The following VIRMA variants were observed in gnomAD, a reference collection of about 807,000 sequenced individuals.
VIRMA encodes vir like m6A methyltransferase associated, also known as protein virilizer homolog.
Under a neutral mutation model 182.4 loss-of-function variants are expected in VIRMA, and 65 were observed. The ratio of observed to expected loss-of-function variants is 0.36; its 90% CI spans 0.29 to 0.44. The LOEUF (loss-of-function observed/expected upper bound fraction) is 0.44, where lower values mean the gene tolerates loss of function less well. Ranked by LOEUF, VIRMA falls within the 20% of genes least tolerant of loss-of-function variation. The probability of loss-of-function intolerance (pLI) is 1.00; values close to 1 mark genes in which losing one functional copy is unlikely to be tolerated. For synonymous variants in VIRMA, 709 were observed against 743.1 expected, an observed-to-expected ratio of 0.95 and a Z score of 0.75; for missense variants, 1,752 against 2,158.1, an observed-to-expected ratio of 0.81 and a Z score of 3.73.
chr8:94,538,774 G>C (rs1277636900), intron 2 of VIRMA, among the ~76,000 whole-genome samples: 1 of 152,070 alleles, frequency 6.6e-6, no homozygotes, highest in East Asian at 1.9e-4. Flanking sequence ...ACCATGCCCA[G>C]CTGATTTTTT....
At chr8:94,505,311 C>A (rs1032665500) in intron 16 of VIRMA, among the ~76,000 whole-genome samples, 2 of 152,146 alleles carry the variant, frequency 1.3e-5, no homozygotes, top group Admixed American at 6.5e-5. Context: ...TATGTTTCCT[C>A]CTCCTTACTA....
chr8:94,488,933 C>A, intron 23 of VIRMA, 73 bp from the exon 24 acceptor site: 1 of 1,496,058 alleles, frequency 6.7e-7, no homozygotes, highest in Non-Finnish European at 9.1e-7. Context: ...TAATCTACGA[C>A]ACTGAGCTCA....
intron 20 of VIRMA, 59 bp from the exon 21 acceptor site, chr8:94,492,877 G>A: frequency 7.5e-7 from 1 of 1,327,656 alleles, no homozygotes; most frequent in Non-Finnish European, 1.0e-6. Flanking sequence ...CATAACATTT[G>A]ACTACAGAAA....
rs550105232 is a variant in VIRMA at position 94,553,298 on chromosome 8, A to G, written c.63+87T>C. ...GCGAGAAATTAAAGAAGCAATCTGC[A>G]GAAGGAAAAGTGGAGAACGCCTAAC... On this transcript the variant is annotated intron_variant, in intron 1 of 23. Coordinates refer to ENST00000297591, the MANE Select transcript of VIRMA (RefSeq NM_015496.5). The G allele has an allele frequency of 1.7e-5, 22 of 1,310,416 alleles. No homozygotes were observed. The South Asian group carries it at 2.5e-4, about 15-fold the overall frequency. The allele number at this position is 1,310,416 out of a possible 1,614,324, so 81.2% of individuals were successfully genotyped here.
At chr8:94,532,358 C>T (rs1815200427) in intron 5 of VIRMA, among the ~76,000 whole-genome samples, 2 of 152,194 alleles carry the variant, frequency 1.3e-5, no homozygotes, top group Non-Finnish European at 2.9e-5. Context: ...CTGCCCGCCT[C>T]GGCCTCCCAA....
rs569926843 is a variant in VIRMA at position 94,547,034 on chromosome 8, T to C, written c.64-3092A>G. ...CCCAACTCCTTTTACAAGTAAACTT[T>C]CTCTTGAAAGCTGAGCCAGATCAAA... On this transcript the variant is annotated intron_variant, in intron 1 of 23. Coordinates refer to ENST00000297591, the MANE Select transcript of VIRMA (RefSeq NM_015496.5). 8.8e-5 allele frequency: 40 copies of C among 455,208 alleles called. 2 individuals carry two copies. The highest frequency in any genetic ancestry group is 7.8e-4 in the African/African-American group (38 of 48,884). 28.2% of individuals were successfully genotyped at this position (455,208 alleles called of 1,614,324 possible). A position where few individuals can be genotyped will look rare whatever the true frequency, so the allele number is the denominator to read the frequency against.
intron 11 of VIRMA, 136 bp downstream of exon 11, chr8:94,514,733 T>C: frequency 1.8e-6 from 1 of 540,726 alleles, no homozygotes; most frequent in Non-Finnish European, 3.3e-6. Flanking sequence ...TACCAACCTG[T>C]ACCTACAAAG....
Position 94,502,777 on chromosome 8 carries a change from T to A in VIRMA, c.4098-3271A>T, listed in dbSNP as rs528904943. Among the ~76,000 whole-genome samples the A allele has an allele frequency of 1.4e-3, 220 of 152,096 alleles. 1 individual carries two copies. Among genetic ancestry groups the A allele is most frequent in the African/African-American group, 2.0e-3 (84 of 41,508 alleles). ...TAGCAATAGGAAGTACTTAAAAAATTTTTTTTTAAGTCAGAGCTATGTAAC... is the reference window on the plus strand; with the variant it reads ...TAGCAATAGGAAGTACTTAAAAAATATTTTTTTAAGTCAGAGCTATGTAAC... On this transcript the variant is annotated intron_variant, in intron 16 of 23. Coordinates refer to ENST00000297591, the MANE Select transcript of VIRMA (RefSeq NM_015496.5).
chr8:94,529,704 A>G (rs1033137791), intron 6 of VIRMA, among the ~76,000 whole-genome samples: 8 of 152,006 alleles, frequency 5.3e-5, no homozygotes, highest in Non-Finnish European at 1.0e-4. Flanking sequence ...CAGTGGCATG[A>G]TCTCGGCTCA....
rs759960103 is a variant in VIRMA at position 94,519,038 on chromosome 8, T to C, written c.2460A>G (p.Lys820=). 2 of 1,613,688 alleles carry C rather than the reference T, an allele frequency of 1.2e-6. No individual in the cohort carries two copies. Among genetic ancestry groups the C allele is most frequent in the Non-Finnish European group, 1.7e-6 (2 of 1,179,776 alleles). Residue 820 remains lysine, a synonymous_variant, in exon 9 of 24, where the codon AAA becomes AAG. Transcript: ENST00000297591. ...SAVGHVFSLE[K]NLQSLITLME... Reference sequence around the variant, plus strand: ...TTAGAGTAATAAGACTTTGGAGATTTTTCTCCAGACTAAAAACATGGCCAA... The same window carrying C: ...TTAGAGTAATAAGACTTTGGAGATTCTTCTCCAGACTAAAAACATGGCCAA...
intron 8 of VIRMA, among the ~76,000 whole-genome samples, chr8:94,521,927 C>G: frequency 6.6e-6 from 1 of 152,184 alleles, no homozygotes; most frequent in East Asian, 1.9e-4. Context: ...CCTTAGAGGT[C>G]TGCTTGCAAG....
chr8:94,508,564 C>T (rs1445551694), intron 15 of VIRMA, among the ~76,000 whole-genome samples: 1 of 151,964 alleles, frequency 6.6e-6, no homozygotes, highest in Non-Finnish European at 1.5e-5. Flanking sequence ...AGCTAGGATG[C>T]CACAGCGCTA....
chr8:94,540,633 TGTATTTTTA>T (rs1815516400), intron 2 of VIRMA, among the ~76,000 whole-genome samples: 1 of 152,024 alleles, frequency 6.6e-6, no homozygotes, highest in African/African-American at 2.4e-5. Context: ...AGCTGATTTT[TGTATTTTTA>T]GTAGAGGCGG....
chr8:94,497,727 T>G (rs1251601872), intron 17 of VIRMA: 2 of 151,940 alleles, frequency 1.3e-5, no homozygotes, highest in Non-Finnish European at 2.9e-5. Flanking sequence ...AAGAGACGAG[T>G]TGGCCAGGCA....
At chr8:94,551,178 T>C (rs906801098) in intron 1 of VIRMA, among the ~76,000 whole-genome samples, 1 of 152,226 alleles carries the variant, frequency 6.6e-6, no homozygotes, top group Non-Finnish European at 1.5e-5. Context: ...TGTGAAATAT[T>C]GCCCCTTTCA....
chr8:94,519,744 C>A (rs1190619405), intron 8 of VIRMA, among the ~76,000 whole-genome samples: 1 of 152,104 alleles, frequency 6.6e-6, no homozygotes, highest in African/African-American at 2.4e-5. Flanking sequence ...AAATTTTGGG[C>A]CTTCTTTCCA....
intron 11 of VIRMA, among the ~76,000 whole-genome samples, chr8:94,513,470 T>C (rs1814447728): frequency 1.3e-5 from 2 of 152,040 alleles, no homozygotes; most frequent in Non-Finnish European, 2.9e-5. Context: ...TTAGCTTTTC[T>C]TTTATTCTAA....
Position 94,511,235 on chromosome 8 carries a change from T to C in VIRMA, c.3340A>G (p.Ile1114Val). The C allele has an allele frequency of 6.2e-7, 1 of 1,614,138 alleles. No individual in the cohort carries two copies. The highest frequency in any genetic ancestry group is 1.1e-5 in the South Asian group (1 of 91,078). The change falls in exon 13 of 24, where the codon ATA (isoleucine) becomes GTA (valine). Residue 1114 changes from isoleucine (I) to valine (V), a missense_variant. This residue lies in a region of VIRMA where 777 missense variants were observed against 920.6 expected (regional missense o/e 0.84). Transcript: ENST00000297591. ...AGAGGCAGCAGCTCTGAAAGGAGTA[T>C]GAGTCCAGAAAAAAATCCTTCAGGA... ...KVPEGFFSGLILLSELLPLPL... is the reference protein window; with the variant it reads ...KVPEGFFSGLVLLSELLPLPL...
At chr8:94,509,439 T>C (rs1033989022) in intron 15 of VIRMA, among the ~76,000 whole-genome samples, 3 of 151,180 alleles carry the variant, frequency 2.0e-5, no homozygotes, top group Non-Finnish European at 4.4e-5. Flanking sequence ...GTAACGTAAT[T>C]GGAAGGAAAA....
Sources: allele counts gnomAD v4.1 joint callset (sites outside exome capture counted in the v4.1 genomes callset), GRCh38; gene constraint gnomAD v4.1.1; regional missense constraint gnomAD v4.1.1; transcripts MANE v1.5; gene names NCBI Gene and HGNC (gene_info 2026-07-23, HGNC 2026-07-21).